Variants in GPA33 observed in about 807,000 individuals in gnomAD.
GPA33 encodes the protein glycoprotein A33, also known as cell surface A33 antigen.
A neutral mutation model predicts 35.6 loss-of-function variants in GPA33; 27 were observed. The observed-to-expected ratio is 0.76, with a 90% CI of 0.56 to 1.04. The LOEUF is 1.04. GPA33 is among the 50% of genes least tolerant of loss of function. The probability of loss-of-function intolerance (pLI) is 0.00; values close to 1 mark genes in which losing one functional copy is unlikely to be tolerated. For synonymous variants in GPA33, 176 were observed against 164.0 expected (o/e 1.07, Z -0.56); for missense variants, 428 against 411.9 (o/e 1.04, Z -0.34).
chr1:167,070,718 G>A (rs1410215412), intron 2 of GPA33, among the ~76,000 whole-genome samples: 1 of 152,132 alleles, frequency 6.6e-6, no homozygotes, highest in Non-Finnish European at 1.5e-5. Context: ...TAACAATTCA[G>A]GTAAAAAATG....
intron 2 of GPA33, among the ~76,000 whole-genome samples, chr1:167,073,099 G>A (rs868102370): frequency 1.5e-4 from 23 of 152,184 alleles, no homozygotes; most frequent in Admixed American, 8.5e-4. Flanking sequence ...CAGAGCAAGG[G>A]CTATGCTAAT....
intron 1 of GPA33, among the ~76,000 whole-genome samples, chr1:167,088,478 T>A (rs981211265): frequency 2.0e-5 from 3 of 152,162 alleles, no homozygotes; most frequent in Non-Finnish European, 2.9e-5. Context: ...GAAGAAAAGT[T>A]GGTGGGCACG....
At chr1:167,056,678 GTC>G (rs1558001803) in intron 4 of GPA33, among the ~76,000 whole-genome samples, 4 of 45,930 alleles carry the variant, frequency 8.7e-5, no homozygotes, top group East Asian at 7.0e-4. Flanking sequence ...TGTGTGATGT[GTC>G]TGGTGTGTGG....
chr1:167,071,256 T>A (rs1162578801), intron 2 of GPA33, among the ~76,000 whole-genome samples: 1 of 152,168 alleles, frequency 6.6e-6, no homozygotes, highest in Non-Finnish European at 1.5e-5. Context: ...GGTTGGAAAG[T>A]GGCTGCTGGT....
rs749764347 is a variant in GPA33, at chr1:167,073,495, C to T, written c.88G>A (p.Val30Ile). ...DAISVETPQD[V>I]LRASQGKSVT... ...CTCTTTCCCTGCGAAGCCCGAAGAA[C>T]GTCCTGCGGAGTTTCCACAGAGATG... Residue 30 changes from valine to isoleucine, a missense_variant, in exon 2 of 7, where the codon GTT becomes ATT. Val to Ile is a conservative substitution (Grantham distance 29). Transcript: ENST00000367868. 5 of 1,613,456 alleles carry T rather than the reference C, an allele frequency of 3.1e-6. No homozygotes were observed. The highest frequency in any genetic ancestry group is 1.1e-5 in the South Asian group (1 of 91,076).
intron 1 of GPA33, among the ~76,000 whole-genome samples, chr1:167,087,706 A>T (rs6680480): frequency 6.6e-6 from 1 of 151,950 alleles, no homozygotes; most frequent in South Asian, 2.1e-4. Context: ...TGCGAGGTCA[A>T]GAGTTCAAGA....
At position 167,054,001 on chromosome 1, in the gene GPA33, G is replaced by T; in HGVS notation, c.*333C>A. 3.1e-6 allele frequency: 1 copy of T among 318,714 alleles called. No individual in the cohort carries two copies. The highest frequency in any genetic ancestry group is 5.9e-6 in the Non-Finnish European group (1 of 170,198). The allele number at this position is 318,714 out of a possible 1,614,324, so 19.7% of individuals were successfully genotyped here. Reference sequence around the variant, plus strand: ...CGCCTCCCTGGAGAGTTCTGAGTGGGAGCGCCCCATGCTCAGCGCTGTGCT... The same window carrying T: ...CGCCTCCCTGGAGAGTTCTGAGTGGTAGCGCCCCATGCTCAGCGCTGTGCT... On this transcript the variant is annotated 3_prime_UTR_variant, in exon 7 of 7. Transcript: ENST00000367868.
intron 4 of GPA33, among the ~76,000 whole-genome samples, chr1:167,056,848 A>ATGCATGTGG (rs1558002249): frequency 2.3e-4 from 1 of 4,376 alleles, no homozygotes; most frequent in Non-Finnish European, 5.1e-4. Context: ...TGAGTGTGTA[A>ATGCATGTGG]TGTGTGTGGT....
chr1:167,082,333 C>T, intron 1 of GPA33: 1 of 455,596 alleles, frequency 2.2e-6, no homozygotes, highest in South Asian at 1.6e-5. Context: ...ATACAGCCCT[C>T]TTTTAACAAT....
intron 3 of GPA33, among the ~76,000 whole-genome samples, chr1:167,068,364 CA>C (rs1453842807): frequency 6.6e-6 from 1 of 152,156 alleles, no homozygotes; most frequent in Non-Finnish European, 1.5e-5. Flanking sequence ...AGATCCTTCC[CA>C]AACTATAAAT....
intron 4 of GPA33, among the ~76,000 whole-genome samples, chr1:167,057,922 G>T (rs777205175): frequency 2.6e-5 from 4 of 152,194 alleles, no homozygotes; most frequent in Non-Finnish European, 5.9e-5. Flanking sequence ...TTTGTGGCCG[G>T]GTACATTGGC....
At chr1:167,075,855 A>C (rs1287263090) in intron 1 of GPA33, among the ~76,000 whole-genome samples, 1 of 152,216 alleles carries the variant, frequency 6.6e-6, no homozygotes, top group Non-Finnish European at 1.5e-5. Context: ...AGACAGGAAG[A>C]GAACCAAGAG....
chr1:167,055,057 A>T lies in GPA33; in HGVS notation c.746T>A (p.Leu249His). 5 of 1,613,654 alleles carry T rather than the reference A, an allele frequency of 3.1e-6. No homozygotes were observed. Among genetic ancestry groups the T allele is most frequent in the Non-Finnish European group, 3.4e-6 (4 of 1,179,934 alleles). Residue 249 changes from leucine (L) to histidine (H), a missense_variant, in exon 6 of 7, where the codon CTC (leucine) becomes CAC (histidine). Leu to His is a moderately conservative substitution (Grantham distance 99). Coordinates refer to ENST00000367868, the MANE Select transcript of GPA33 (RefSeq NM_005814.3). ...GTAGATGATGATGCCAATGATAATG[A>T]GGGCTGCAACCACGCCCACCGCGAT... ...VGIAVGVVAALIIIGIIIYCC... is the reference protein window; with the variant it reads ...VGIAVGVVAAHIIIGIIIYCC...
intron 1 of GPA33, among the ~76,000 whole-genome samples, chr1:167,083,793 C>T (rs1285946925): frequency 6.6e-6 from 1 of 152,022 alleles, no homozygotes; most frequent in African/African-American, 2.4e-5. Flanking sequence ...GAAGGCGAGG[C>T]ATGTTCCAGA....
intron 1 of GPA33, among the ~76,000 whole-genome samples, chr1:167,080,750 G>C (rs1321286344): frequency 1.3e-5 from 2 of 152,184 alleles, no homozygotes; most frequent in Non-Finnish European, 2.9e-5. Flanking sequence ...AGGCAATCTA[G>C]GTTGTCATGT....
At chr1:167,077,080 C>T (rs899636983) in intron 1 of GPA33, among the ~76,000 whole-genome samples, 1 of 152,060 alleles carries the variant, frequency 6.6e-6, no homozygotes, top group Admixed American at 6.5e-5. Context: ...GTGGTGCATG[C>T]CTGTAGTCCC....
At chr1:167,084,837 T>A (rs61814863) in intron 1 of GPA33, among the ~76,000 whole-genome samples, 1 of 152,222 alleles carries the variant, frequency 6.6e-6, no homozygotes, top group African/African-American at 2.4e-5. Context: ...ATGATTATTA[T>A]TGTTTTAAGT....
At chr1:167,056,067 C>T (rs772024379) in intron 4 of GPA33, among the ~76,000 whole-genome samples, 3 of 152,222 alleles carry the variant, frequency 2.0e-5, no homozygotes, top group Admixed American at 2.0e-4. Context: ...GGGTTTGACA[C>T]CTGGCTCTGC....
intron 1 of GPA33, among the ~76,000 whole-genome samples, chr1:167,084,392 G>T (rs1246438804): frequency 6.6e-6 from 1 of 152,194 alleles, no homozygotes; most frequent in Admixed American, 6.5e-5. Context: ...TTGTAGGTGG[G>T]GGATAAAGAG....
Sources: gnomAD v4.1 joint callset for allele counts (sites outside exome capture counted in the v4.1 genomes callset) on GRCh38, gnomAD v4.1.1 for gene constraint, MANE v1.5 for transcripts, NCBI Gene and HGNC (gene_info 2026-07-23, HGNC 2026-07-21) for gene names.